Variants in VSTM2B observed in about 807,000 individuals in gnomAD.
The protein encoded by VSTM2B is V-set and transmembrane domain containing 2B, also known as V-set and transmembrane domain-containing protein 2B.
In VSTM2B, 24 loss-of-function variants were observed where a neutral mutation model predicts 24.0. The observed-to-expected ratio is 1.00, with a 90% confidence interval of 0.72 to 1.40. VSTM2B has a LOEUF of 1.40. VSTM2B is among the 40% of genes most tolerant of loss of function. VSTM2B has a pLI of 0.00. For synonymous variants in VSTM2B, 226 were observed against 194.4 expected (o/e 1.16, Z -1.35); for missense variants, 399 against 416.4 (o/e 0.96, Z 0.36).
rs1969694451 is a variant in VSTM2B, at chr19:29,529,972, C to A, written c.451C>A (p.Arg151Ser). 1.3e-6 allele frequency: 2 copies of A among 1,546,128 alleles called. No individual in the cohort carries two copies. The highest frequency in any genetic ancestry group is 1.7e-6 in the Non-Finnish European group (2 of 1,146,492). ...KAQAMLRVLS[R>S]FAPPNMQAAE... ...CCAGGCGATGCTGCGCGTGCTCTCGCGCTTCGCGCCGCCCAACATGCAGGC... is the reference window on the plus strand; with the variant it reads ...CCAGGCGATGCTGCGCGTGCTCTCGAGCTTCGCGCCGCCCAACATGCAGGC... The change falls in exon 4 of 5, where the codon CGC (arginine) becomes AGC (serine). Residue 151 changes from arginine to serine, a missense_variant. Arg to Ser is a moderately radical substitution (Grantham distance 110, BLOSUM62 -1). Coordinates refer to ENST00000335523, the MANE Select transcript of VSTM2B (RefSeq NM_001146339.2).
At chr19:29,529,025 C>A in intron 3 of VSTM2B, 1 of 985,430 alleles carries the variant, frequency 1.0e-6, no homozygotes, top group Non-Finnish European at 1.2e-6. Flanking sequence ...GGAGGAGATG[C>A]GCCCAAGCTT....
rs531202685 is a variant in VSTM2B at position 29,527,414 on chromosome 19, G to A, written c.267+19G>A. 3.4e-6 allele frequency: 5 copies of A among 1,465,510 alleles called. No individual in the cohort carries two copies. Among genetic ancestry groups the A allele is most frequent in the South Asian group, 2.7e-5 (2 of 73,358 alleles). The allele number at this position is 1,465,510 out of a possible 1,614,324, so 90.8% of individuals were successfully genotyped here. On this transcript the variant is annotated intron_variant, in intron 2 of 4. Coordinates refer to ENST00000335523, the MANE Select transcript of VSTM2B (RefSeq NM_001146339.2). ...GAGCAAGGTAACCCGCCGCCCACGCGGTACCGGCGCGCGCCCGGCTCGCGC... is the reference window on the plus strand; with the variant it reads ...GAGCAAGGTAACCCGCCGCCCACGCAGTACCGGCGCGCGCCCGGCTCGCGC...
At chr19:29,547,030 CAG>C (rs146935196) in intron 4 of VSTM2B, among the ~76,000 whole-genome samples, 1 of 152,280 alleles carries the variant, frequency 6.6e-6, no homozygotes, top group Non-Finnish European at 1.5e-5. Flanking sequence ...TAGGTGTACA[CAG>C]GGGCCAGACT....
Position 29,544,354 on chromosome 19 carries a change from G to A in VSTM2B, c.769+14064G>A, listed in dbSNP as rs572622231. Among the ~76,000 whole-genome samples the A allele has an allele frequency of 8.6e-5, 13 of 150,992 alleles. 1 individual carries two copies. Among genetic ancestry groups the A allele is most frequent in the East Asian group, 3.9e-4 (2 of 5,112 alleles). On this transcript the variant is annotated intron_variant, in intron 4 of 4. Transcript: ENST00000335523. ...ATCCTGGCTAACACGGTGAAACCCC[G>A]TCTCTACTGAAAATATAAAAAATTA...
chr19:29,561,277 G>A (rs948791664), intron 4 of VSTM2B, among the ~76,000 whole-genome samples: 66 of 149,776 alleles, frequency 4.4e-4, no homozygotes, highest in African/African-American at 1.4e-3. Context: ...ACACCACTGC[G>A]CTCCAACCTG....
intron 3 of VSTM2B, among the ~76,000 whole-genome samples, chr19:29,529,479 G>A (rs1424846423): frequency 6.6e-6 from 1 of 152,230 alleles, no homozygotes; most frequent in Non-Finnish European, 1.5e-5. Flanking sequence ...GTGCAGGAGG[G>A]AGGAAGGAGA....
rs1461601033 is a variant in VSTM2B at position 29,564,037 on chromosome 19, A to G, written c.*103A>G. 5 of 861,550 alleles carry G rather than the reference A, an allele frequency of 5.8e-6. No homozygotes were observed. The highest frequency in any genetic ancestry group is 9.2e-6 in the Non-Finnish European group (5 of 544,046). The allele number at this position is 861,550 out of a possible 1,614,324, so 53.4% of individuals were successfully genotyped here. A position where few individuals can be genotyped will look rare whatever the true frequency, so the allele number is the denominator to read the frequency against. On this transcript the variant is annotated 3_prime_UTR_variant, in exon 5 of 5. Transcript: ENST00000335523. ...TGGACACAGAGAGACTGAGAGACGC[A>G]TGAAAAAGTCCACATGGAAAATAAA...
At chr19:29,537,095 G>A (rs550887811) in intron 4 of VSTM2B, among the ~76,000 whole-genome samples, 131 of 152,292 alleles carry the variant, frequency 8.6e-4, no homozygotes, top group African/African-American at 3.0e-3. Flanking sequence ...TGGTGAGAAG[G>A]CTTCACTTTG....
intron 4 of VSTM2B, among the ~76,000 whole-genome samples, chr19:29,558,890 A>G (rs761437832): frequency 1.5e-4 from 23 of 152,210 alleles, no homozygotes; most frequent in Admixed American, 7.2e-4. Flanking sequence ...AAAAAGAAAC[A>G]TAAAAATAAA....
At chr19:29,531,925 G>A (rs1300461931) in intron 4 of VSTM2B, among the ~76,000 whole-genome samples, 1 of 152,254 alleles carries the variant, frequency 6.6e-6, no homozygotes, top group Non-Finnish European at 1.5e-5. Context: ...ACCAGCCTCA[G>A]CAGGAGGCTT....
chr19:29,531,007 G>C (rs1398670878), intron 4 of VSTM2B, among the ~76,000 whole-genome samples: 1 of 149,754 alleles, frequency 6.7e-6, no homozygotes, highest in African/African-American at 2.5e-5. Context: ...GGGATGGGGG[G>C]CGGGATGTGA....
Position 29,526,688 on chromosome 19 carries a change from C to A in VSTM2B, c.82+23C>A. On this transcript the variant is annotated intron_variant, in intron 1 of 4. Coordinates refer to ENST00000335523, the MANE Select transcript of VSTM2B (RefSeq NM_001146339.2). This position sits in a 1 kb window ranked among gnomAD's most constrained non-coding sequence, Gnocchi z 4.1. ...ACGGTGAGCGCGGGAACTTTGCTGCCGCTGTGGACTCGGGGGGGTCTTTGC... is the reference window on the plus strand; with the variant it reads ...ACGGTGAGCGCGGGAACTTTGCTGCAGCTGTGGACTCGGGGGGGTCTTTGC... 4 of 1,522,524 alleles carry A rather than the reference C, an allele frequency of 2.6e-6. No homozygotes were observed. The highest frequency in any genetic ancestry group is 2.5e-5 in the East Asian group (1 of 39,890). 94.3% of individuals were successfully genotyped at this position (1,522,524 alleles called of 1,614,324 possible).
rs77513677 is a variant in VSTM2B at position 29,543,397 on chromosome 19, G to A, written c.769+13107G>A. Among the ~76,000 whole-genome samples the A allele has an allele frequency of 3.6e-3, 554 of 152,346 alleles. 24 individuals carry two copies. In the East Asian group the frequency reaches 0.092, roughly 25 times the overall value. On this transcript the variant is annotated intron_variant, in intron 4 of 4. Transcript: ENST00000335523. ...TATGTTAACCTTTTGGTTAAATTGT[G>A]TTTCTAAAGAAAAGTCCTCACTGTG...
intron 4 of VSTM2B, 112 bp downstream of exon 4, chr19:29,530,402 A>G (rs946287965): frequency 1.3e-5 from 12 of 943,622 alleles, no homozygotes; most frequent in South Asian, 2.0e-5. Flanking sequence ...GCGCATTTGC[A>G]TATGCATACT....
chr19:29,547,351 G>A (rs1970178457), intron 4 of VSTM2B, among the ~76,000 whole-genome samples: 1 of 152,162 alleles, frequency 6.6e-6, no homozygotes, highest in Non-Finnish European at 1.5e-5. Flanking sequence ...AGGAGTAAAA[G>A]TAACTCCTGC....
intron 4 of VSTM2B, among the ~76,000 whole-genome samples, chr19:29,539,754 G>A (rs1205661685): frequency 6.6e-6 from 1 of 152,276 alleles, no homozygotes; most frequent in Non-Finnish European, 1.5e-5. Context: ...AGGCTAGTGA[G>A]AAGAATGCAG....
chr19:29,528,511 T>C, intron 3 of VSTM2B, 49 bp downstream of exon 3: 1 of 1,549,238 alleles, frequency 6.5e-7, no homozygotes, highest in Non-Finnish European at 8.7e-7. Flanking sequence ...TCTGGCCGCC[T>C]CGGGTCCCGC....
intron 4 of VSTM2B, among the ~76,000 whole-genome samples, chr19:29,554,341 A>G (rs940666620): frequency 6.6e-6 from 1 of 152,234 alleles, no homozygotes; most frequent in African/African-American, 2.4e-5. Flanking sequence ...GCGAAGAAGA[A>G]ATAAAATCTT....
At chr19:29,545,089 GA>G (rs1183031775) in intron 4 of VSTM2B, among the ~76,000 whole-genome samples, 1 of 152,098 alleles carries the variant, frequency 6.6e-6, no homozygotes, top group Non-Finnish European at 1.5e-5. Context: ...GGAGCCTCCA[GA>G]CTGGGTCAGC....
Sources: allele counts gnomAD v4.1 joint callset (sites outside exome capture counted in the v4.1 genomes callset), GRCh38; gene constraint gnomAD v4.1.1; non-coding constraint Gnocchi (gnomAD v3.1); transcripts MANE v1.5; gene names NCBI Gene and HGNC (gene_info 2026-07-23, HGNC 2026-07-21).